The following SPTSSA variants were observed in gnomAD, a reference collection of about 807,000 sequenced individuals.
The protein encoded by SPTSSA is serine palmitoyltransferase small subunit A, also known as small subunit of serine palmitoyltransferase A.
Under a neutral mutation model 9.1 loss-of-function variants are expected in SPTSSA, and 8 were observed. That is an observed-to-expected ratio of 0.88 (90% CI 0.51 to 1.58). The LOEUF (loss-of-function observed/expected upper bound fraction) is 1.58, where lower values mean the gene tolerates loss of function less well. Among genes scored for constraint, SPTSSA ranks in the 40% most tolerant of loss-of-function variants. The pLI is 0.00. For missense variants in SPTSSA, 100 were observed against 93.8 expected (o/e 1.07, Z -0.27); for synonymous variants, 42 against 37.7 (o/e 1.11, Z -0.41).
chr14:34,453,808 T>C (rs1883566428), intron 1 of SPTSSA, among the ~76,000 whole-genome samples: 1 of 152,132 alleles, frequency 6.6e-6, no homozygotes, highest in Non-Finnish European at 1.5e-5. Flanking sequence ...ATAAAAAGTA[T>C]ATATCCTCTA....
chr14:34,447,102 T>C (rs1883434347), intron 1 of SPTSSA, among the ~76,000 whole-genome samples: 1 of 151,696 alleles, frequency 6.6e-6, no homozygotes, highest in African/African-American at 2.4e-5. Flanking sequence ...CAGGCACCTG[T>C]AATCCCAGCT....
intron 1 of SPTSSA, among the ~76,000 whole-genome samples, chr14:34,443,906 A>C (rs1883375972): frequency 1.3e-5 from 2 of 152,184 alleles, no homozygotes; most frequent in Admixed American, 1.3e-4. Context: ...CAAAATTTGC[A>C]AACTATTTGT....
intron 1 of SPTSSA, among the ~76,000 whole-genome samples, chr14:34,461,587 C>T (rs2138839334): frequency 6.6e-6 from 1 of 152,330 alleles, no homozygotes; most frequent in Non-Finnish European, 1.5e-5. Flanking sequence ...TCAAAAACTA[C>T]TGGAGTGTCA....
At chr14:34,442,894 T>C (rs7158571) in intron 1 of SPTSSA, among the ~76,000 whole-genome samples, 2,600 of 152,242 alleles carry the variant, frequency 0.017, 73 homozygotes, top group African/African-American at 0.057. Context: ...TATTATTATC[T>C]CATGGCTAAG....
chr14:34,461,617 T>C (rs1878616058), intron 1 of SPTSSA, among the ~76,000 whole-genome samples: 1 of 152,306 alleles, frequency 6.6e-6, no homozygotes, highest in Middle Eastern at 3.4e-3. Context: ...ATTCAGAACC[T>C]GGCTTAAAAG....
rs1594615377 is a variant in SPTSSA, at chr14:34,435,102, T to C, written c.*99A>G. 1.1e-5 allele frequency: 9 copies of C among 818,150 alleles called. No individual in the cohort carries two copies. In the East Asian group the frequency reaches 2.2e-4, roughly 20 times the overall value. The allele number at this position is 818,150 out of a possible 1,614,324, so 50.7% of individuals were successfully genotyped here. A position where few individuals can be genotyped will look rare whatever the true frequency, so the allele number is the denominator to read the frequency against. On this transcript the variant is annotated 3_prime_UTR_variant, in exon 2 of 2. Transcript: ENST00000298130. ...TTTAGTCTTTATAAGGTTGGTTATG[T>C]TGACATCTAGAAGAGTTTCTTATCA...
intron 1 of SPTSSA, among the ~76,000 whole-genome samples, chr14:34,456,792 G>A (rs1878490918): frequency 6.6e-6 from 1 of 150,860 alleles, no homozygotes; most frequent in Admixed American, 6.6e-5. Flanking sequence ...CCAGCTACTC[G>A]GGAGGGCAAG....
chr14:34,462,082 C>G lies in SPTSSA; in HGVS notation c.112+14G>C. 1 of 1,408,776 alleles carries G rather than the reference C, an allele frequency of 7.1e-7. No individual in the cohort carries two copies. Among genetic ancestry groups the G allele is most frequent in the Non-Finnish European group, 9.4e-7 (1 of 1,067,218 alleles). 87.3% of individuals were successfully genotyped at this position (1,408,776 alleles called of 1,614,324 possible). ...CCCAGCCCGGCCCCCGCGCGCGCGG[C>G]CGGGACAGGATACTGAACACCGTCC... On this transcript the variant is annotated intron_variant, in intron 1 of 1. Coordinates refer to ENST00000298130, the MANE Select transcript of SPTSSA (RefSeq NM_138288.4).
In SPTSSA at chr14:34,443,197, GGGTGTGT is replaced by G. The variant is rs1455210726; in HGVS notation, c.113-7900_113-7894del. 5.6e-3 allele frequency among the ~76,000 whole-genome samples: 101 copies of G among 17,960 alleles called. 18 individuals carry two copies. The highest frequency in any genetic ancestry group is 0.02 in the African/African-American group (82 of 4,200). The allele number at this position is 17,960 out of a possible 152,430, so 11.8% of individuals were successfully genotyped here. ...TTTTGAGATTGAGTTTTCCTCTAGG[GGGTGTGT>G]GTGTGTGTGTGTGTGTGTGTGTGTG... On this transcript the variant is annotated intron_variant, in intron 1 of 1. Transcript: ENST00000298130.
chr14:34,453,762 T>C (rs952062395), intron 1 of SPTSSA, among the ~76,000 whole-genome samples: 1 of 152,220 alleles, frequency 6.6e-6, no homozygotes, highest in Non-Finnish European at 1.5e-5. Flanking sequence ...CTCATAACTA[T>C]TGATCATAAC....
chr14:34,446,989 C>T (rs775229200), intron 1 of SPTSSA, among the ~76,000 whole-genome samples: 21 of 151,852 alleles, frequency 1.4e-4, no homozygotes, highest in East Asian at 3.9e-4. Context: ...TTTGAGAGGC[C>T]GAGGCAGGTG....
chr14:34,432,887 G>A lies in SPTSSA; in HGVS notation c.*2314C>T, dbSNP rs956289897. 6.6e-6 allele frequency: 1 copy of A among 151,672 alleles called. No homozygotes were observed. Among genetic ancestry groups the A allele is most frequent in the African/African-American group, 2.4e-5 (1 of 41,260 alleles). 9.4% of individuals were successfully genotyped at this position (151,672 alleles called of 1,614,324 possible). A position where few individuals can be genotyped will look rare whatever the true frequency, so the allele number is the denominator to read the frequency against. Reference sequence around the variant, plus strand: ...TGCACACTTAATAGACTACAGGATGGTGTAAATGTAACTTTTATATGCAGG... The same window carrying A: ...TGCACACTTAATAGACTACAGGATGATGTAAATGTAACTTTTATATGCAGG... On this transcript the variant is annotated 3_prime_UTR_variant, in exon 2 of 2. Transcript: ENST00000298130.
chr14:34,458,928 G>A (rs1343993429), intron 1 of SPTSSA, among the ~76,000 whole-genome samples: 7 of 130,548 alleles, frequency 5.4e-5, no homozygotes, highest in Non-Finnish European at 6.4e-5. Flanking sequence ...TTTTTGAGAC[G>A]GAGTCTCACT....
intron 1 of SPTSSA, among the ~76,000 whole-genome samples, chr14:34,456,789 C>T (rs1878484987): frequency 1.3e-5 from 2 of 151,072 alleles, no homozygotes; most frequent in Admixed American, 1.3e-4. Flanking sequence ...GTCCCAGCTA[C>T]TCGGGAGGGC....
intron 1 of SPTSSA, 28 bp downstream of exon 1, chr14:34,462,068 C>T: frequency 7.4e-7 from 1 of 1,351,420 alleles, no homozygotes; most frequent in South Asian, 1.8e-5. Context: ...CCAGCCCGGC[C>T]CCCGCGCGCG....
intron 1 of SPTSSA, among the ~76,000 whole-genome samples, chr14:34,457,186 C>T (rs942343267): frequency 6.6e-6 from 1 of 151,926 alleles, no homozygotes; most frequent in Non-Finnish European, 1.5e-5. Flanking sequence ...CCATGCTGGC[C>T]GAGCTGGCCT....
intron 1 of SPTSSA, among the ~76,000 whole-genome samples, chr14:34,443,250 GTTTTCCTC>G (rs1566422965): frequency 1.7e-5 from 1 of 59,494 alleles, no homozygotes; most frequent in Non-Finnish European, 3.0e-5. Flanking sequence ...TTGAGATGGA[GTTTTCCTC>G]TCATTACCCA....
At position 34,442,983 on chromosome 14, in the gene SPTSSA, T is replaced by TGTGTGTGTGTGTGTGTGTGA. The variant is rs750212266; in HGVS notation, c.113-7680_113-7679insTCACACACACACACACACAC. Among the ~76,000 whole-genome samples the TGTGTGTGTGTGTGTGTGTGA allele has an allele frequency of 3.4e-5, 5 of 148,458 alleles. No individual in the cohort carries two copies. In the South Asian group the frequency reaches 6.4e-4, roughly 19 times the overall value. On this transcript the variant is annotated intron_variant, in intron 1 of 1. Coordinates refer to ENST00000298130, the MANE Select transcript of SPTSSA (RefSeq NM_138288.4). Reference sequence around the variant, plus strand: ...GTGTGTGTGTGTGTGTGTGTGTGTGTGAGATGGAGTTTCCCTCTAGGGGTG... The same window carrying TGTGTGTGTGTGTGTGTGTGA: ...GTGTGTGTGTGTGTGTGTGTGTGTGTGTGTGTGTGTGTGTGTGTGAGAGATGGAGTTTCCCTCTAGGGGTG...
chr14:34,438,419 G>C (rs1035133505), intron 1 of SPTSSA, among the ~76,000 whole-genome samples: 1 of 151,928 alleles, frequency 6.6e-6, no homozygotes, highest in East Asian at 1.9e-4. Flanking sequence ...TTGGATTTTC[G>C]AGCATTTCAG....
Sources: allele counts gnomAD v4.1 joint callset (sites outside exome capture counted in the v4.1 genomes callset), GRCh38; gene constraint gnomAD v4.1.1; transcripts MANE v1.5; gene names NCBI Gene and HGNC (gene_info 2026-07-23, HGNC 2026-07-21).